Variants in CNTNAP3 observed in about 807,000 individuals in gnomAD.
The protein encoded by CNTNAP3 is contactin-associated protein-like 3.
Under a neutral mutation model 92.1 loss-of-function variants are expected in CNTNAP3, and 36 were observed. The observed-to-expected ratio is 0.39, with a 90% CI of 0.30 to 0.52. The LOEUF (loss-of-function observed/expected upper bound fraction) is 0.52. Among genes scored for constraint, CNTNAP3 ranks in the 20% least tolerant of loss-of-function variants. CNTNAP3 has a pLI of 0.76. For missense variants in CNTNAP3, 534 were observed against 1,069.6 expected, an observed-to-expected ratio of 0.50 and a Z score of 6.98; for synonymous variants, 232 against 422.3, an observed-to-expected ratio of 0.55 and a Z score of 5.53.
rs1293345898 is a variant in CNTNAP3, at chr9:39,101,461, T to C, written c.2755+1036A>G. Among the ~76,000 whole-genome samples, 5 of 139,386 alleles carry C rather than the reference T, an allele frequency of 3.6e-5. 1 individual carries two copies. The highest frequency in any genetic ancestry group is 1.0e-4 in the African/African-American group (4 of 38,276). The allele number at this position is 139,386 out of a possible 152,430, so 91.4% of individuals were successfully genotyped here. On this transcript the variant is annotated intron_variant, in intron 17 of 23. Coordinates refer to ENST00000297668, the MANE Select transcript of CNTNAP3 (RefSeq NM_033655.5). ...AGTTAGAATAGTTTCAAAAGCAATA[T>C]GGAAAAATAAACAACAGTGATAAAA... is the stretch of plus-strand genomic sequence containing the variant.
chr9:39,149,571 T>A (rs1210003340), intron 10 of CNTNAP3, among the ~76,000 whole-genome samples: 1 of 151,536 alleles, frequency 6.6e-6, no homozygotes, highest in Non-Finnish European at 1.5e-5. Context: ...TTAGCCAGGA[T>A]GAAGTTGATC....
chr9:39,136,014 AGCTACCGGGGAG>A, intron 12 of CNTNAP3, among the ~76,000 whole-genome samples: 1 of 152,024 alleles, frequency 6.6e-6, no homozygotes, highest in African/African-American at 2.4e-5. Context: ...CTGTAGTCCC[AGCTACCGGGGAG>A]GCCGAGGCAG....
At chr9:39,098,463 C>G (rs1237533109) in intron 18 of CNTNAP3, among the ~76,000 whole-genome samples, 8 of 151,962 alleles carry the variant, frequency 5.3e-5, no homozygotes, top group Non-Finnish European at 2.9e-5. Context: ...AACATATGCC[C>G]CAGCCACTGG....
chr9:39,074,182 T>A (rs923529384), intron 23 of CNTNAP3, among the ~76,000 whole-genome samples, 171 bp from the exon 24 acceptor site: 4 of 136,620 alleles, frequency 2.9e-5, no homozygotes, highest in African/African-American at 5.5e-5. Flanking sequence ...TCAGCTTATT[T>A]TTTTTTTTCT....
intron 13 of CNTNAP3, among the ~76,000 whole-genome samples, chr9:39,122,249 G>C (rs1273785562): frequency 6.6e-6 from 1 of 152,252 alleles, no homozygotes; most frequent in Non-Finnish European, 1.5e-5. Flanking sequence ...CAGCTACTCG[G>C]GAGGCTGAGG....
chr9:39,154,274 T>TGG (rs1360812368), intron 9 of CNTNAP3: 1 of 328,996 alleles, frequency 3.0e-6, no homozygotes, highest in Non-Finnish European at 6.0e-6. Context: ...ACCTGCAAAT[T>TGG]GGGGACACAC....
At chr9:39,140,488 T>C (rs1463822795) in intron 12 of CNTNAP3, 31 bp downstream of exon 12, 3 of 1,611,356 alleles carry the variant, frequency 1.9e-6, no homozygotes. Flanking sequence ...TGGTCTATTC[T>C]GATATATGCA....
intron 19 of CNTNAP3, among the ~76,000 whole-genome samples, chr9:39,087,125 A>C (rs548213349): frequency 1.3e-5 from 2 of 152,130 alleles, no homozygotes; most frequent in Non-Finnish European, 2.9e-5. Flanking sequence ...TAAAAATGAA[A>C]AGGTTTAAAT....
intron 9 of CNTNAP3, among the ~76,000 whole-genome samples, chr9:39,161,868 C>T (rs1277754200): frequency 3.2e-5 from 4 of 126,300 alleles, no homozygotes; most frequent in Admixed American, 7.6e-5. Flanking sequence ...AAAAGTAAAG[C>T]CTATAACTAC....
In CNTNAP3 at chr9:39,087,992, T is replaced by G. The variant is rs563330892; in HGVS notation, c.3220+431A>C. ...CTGATGAGATAAAGAACAGCTGTAC[T>G]TATCTGTTGCTTATAGGAATTGGCT... is the stretch of plus-strand genomic sequence containing the variant. On this transcript the variant is annotated intron_variant, in intron 19 of 23. Coordinates refer to ENST00000297668, the MANE Select transcript of CNTNAP3 (RefSeq NM_033655.5). Among the ~76,000 whole-genome samples, 59 of 152,228 alleles carry G rather than the reference T, an allele frequency of 3.9e-4. 1 individual carries two copies. The highest frequency in any genetic ancestry group is 6.5e-4 in the Non-Finnish European group (44 of 68,038).
At chr9:39,114,445 T>C (rs1488465428) in intron 14 of CNTNAP3, among the ~76,000 whole-genome samples, 3 of 152,142 alleles carry the variant, frequency 2.0e-5, no homozygotes, top group African/African-American at 7.2e-5. Context: ...ATCTTTCTAG[T>C]GAGTTTATCT....
intron 14 of CNTNAP3, among the ~76,000 whole-genome samples, chr9:39,117,516 A>G (rs779174722): frequency 4.1e-4 from 62 of 152,208 alleles, no homozygotes; most frequent in Non-Finnish European, 7.5e-4. Context: ...CTTACAAAAT[A>G]ATTTTCAAAT....
At chr9:39,116,865 T>TG (rs1362094085) in intron 14 of CNTNAP3, among the ~76,000 whole-genome samples, 1 of 152,176 alleles carries the variant, frequency 6.6e-6, no homozygotes, top group Non-Finnish European at 1.5e-5. Flanking sequence ...GATAAATAAG[T>TG]GGACTACCAT....
At chr9:39,115,197 A>AT (rs1474272980) in intron 14 of CNTNAP3, among the ~76,000 whole-genome samples, 1 of 151,092 alleles carries the variant, frequency 6.6e-6, no homozygotes, top group East Asian at 1.9e-4. Context: ...TGCCTGCCCC[A>AT]TTAACGGACA....
At chr9:39,148,679 C>T (rs1304716241) in intron 10 of CNTNAP3, among the ~76,000 whole-genome samples, 1 of 152,100 alleles carries the variant, frequency 6.6e-6, no homozygotes, top group Admixed American at 6.6e-5. Flanking sequence ...GCGCCCGCCA[C>T]CATGCCTGGC....
intron 13 of CNTNAP3, among the ~76,000 whole-genome samples, chr9:39,128,119 G>A (rs2315716): frequency 9.9e-5 from 15 of 152,278 alleles, no homozygotes; most frequent in Non-Finnish European, 1.8e-4. Flanking sequence ...GATCACAGGC[G>A]TGAGCCACCC....
In CNTNAP3 at chr9:39,068,045, C is replaced by A. The variant is rs1226520258; in HGVS notation, c.*5845G>T. Among the ~76,000 whole-genome samples, 3 of 152,300 alleles carry A rather than the reference C, an allele frequency of 2.0e-5. No homozygotes were observed. Among genetic ancestry groups the A allele is most frequent in the Non-Finnish European group, 4.4e-5 (3 of 68,046 alleles). ...GAGAAGTGAAGAGAAGAAAAATATT[C>A]TTTTTGTGTAAAGCCCAGATATACG... On this transcript the variant is annotated 3_prime_UTR_variant, in exon 24 of 24. Coordinates refer to ENST00000297668, the MANE Select transcript of CNTNAP3 (RefSeq NM_033655.5).
rs546515821 is a variant in CNTNAP3, at chr9:39,132,001, C to G, written c.2080+931G>C. The stretch of plus-strand genomic sequence containing the variant: ...AAAGAGTGAAATTTAATTTAAGTGG[C>G]TTTATTATGCTACCGACATATACTG... On this transcript the variant is annotated intron_variant, in intron 13 of 23. Coordinates refer to ENST00000297668, the MANE Select transcript of CNTNAP3 (RefSeq NM_033655.5). Among the ~76,000 whole-genome samples, 9 of 152,002 alleles carry G rather than the reference C, an allele frequency of 5.9e-5. No individual in the cohort carries two copies. In the South Asian group the frequency reaches 1.9e-3, roughly 32 times the overall value.
chr9:39,092,875 T>A (rs570817904), intron 18 of CNTNAP3, among the ~76,000 whole-genome samples: 26 of 142,940 alleles, frequency 1.8e-4, no homozygotes, highest in Non-Finnish European at 3.6e-4. Flanking sequence ...GTATTCTTTA[T>A]GTAATTTGGG....
Sources: gnomAD v4.1 joint callset for allele counts (sites outside exome capture counted in the v4.1 genomes callset) on GRCh38, gnomAD v4.1.1 for gene constraint, MANE v1.5 for transcripts, NCBI Gene and HGNC (gene_info 2026-07-23, HGNC 2026-07-21) for gene names.